The following SMG6 variants were observed in gnomAD, a reference collection of about 807,000 sequenced individuals.
SMG6 encodes the protein SMG6 nonsense mediated mRNA decay factor.
A neutral mutation model predicts 142.2 loss-of-function variants in SMG6; 66 were observed. The ratio of observed to expected loss-of-function variants is 0.46; its 90% confidence interval spans 0.38 to 0.57. SMG6 has a LOEUF of 0.57. Among genes scored for constraint, SMG6 ranks in the 20% least tolerant of loss-of-function variants. SMG6 has a pLI of 0.00. For synonymous variants in SMG6, 779 were observed against 702.4 expected, an observed-to-expected ratio of 1.11 and a Z score of -1.72; for missense variants, 1,793 against 1,832.0, an observed-to-expected ratio of 0.98 and a Z score of 0.39.
intron 17 of SMG6, 84 bp from the exon 18 acceptor site, chr17:2,065,238 G>C: frequency 8.0e-7 from 1 of 1,250,748 alleles, no homozygotes; most frequent in Admixed American, 1.8e-5. Flanking sequence ...TGCCTCGGGG[G>C]CCCTGGGCAG....
chr17:2,123,460 T>C (rs1020399944), intron 13 of SMG6, among the ~76,000 whole-genome samples: 30 of 152,200 alleles, frequency 2.0e-4, no homozygotes, highest in Non-Finnish European at 4.0e-4. Context: ...ACTCCTTTCA[T>C]TGACAATTAA....
At chr17:2,077,102 AC>A (rs1394632817) in intron 15 of SMG6, among the ~76,000 whole-genome samples, 1 of 152,182 alleles carries the variant, frequency 6.6e-6, no homozygotes, top group Non-Finnish European at 1.5e-5. Flanking sequence ...GCTCATTCAC[AC>A]TTCAAATCAC....
In SMG6 at chr17:2,060,970, A is replaced by G. The variant is rs573071108; in HGVS notation, c.*522T>C. The stretch of plus-strand genomic sequence containing the variant: ...CCGACTTGGGTTCATGGGCGAGTCC[A>G]GGCCTCAGGGAGACTGGGGACACAC... On this transcript the variant is annotated 3_prime_UTR_variant, in exon 19 of 19. Transcript: ENST00000263073. 4.5e-5 allele frequency: 7 copies of G among 154,640 alleles called. No homozygotes were observed. Among genetic ancestry groups the G allele is most frequent in the South Asian group, 2.0e-4 (1 of 5,114 alleles). The allele number at this position is 154,640 out of a possible 1,614,324, so 9.6% of individuals were successfully genotyped here.
Position 2,085,781 on chromosome 17 carries a change from G to C in SMG6, c.3478C>G (p.Pro1160Ala). Reference sequence around the variant, plus strand: ...CCCATTTCCTTTCCCATGGTGTCTGGGACGGGTGCCACTGACACATACTTT... The same window carrying C: ...CCCATTTCCTTTCCCATGGTGTCTGCGACGGGTGCCACTGACACATACTTT... ...GGKYVSVAPV[P>A]DTMGKEMGSQ... Residue 1160 changes from proline (P) to alanine (A), a missense_variant, in exon 14 of 19, where the codon CCA becomes GCA. Physicochemically the swap from Pro to Ala is conservative, Grantham distance 27 (BLOSUM62 -1). Coordinates refer to ENST00000263073, the MANE Select transcript of SMG6 (RefSeq NM_017575.5). The surrounding 1 kb of genome is among the most constrained non-coding windows in gnomAD (Gnocchi z 4.1). 1 of 1,614,174 alleles carries C rather than the reference G, an allele frequency of 6.2e-7. No homozygotes were observed. Among genetic ancestry groups the C allele is most frequent in the South Asian group, 1.1e-5 (1 of 91,076 alleles).
At chr17:2,193,943 G>A (rs1053956908) in intron 10 of SMG6, among the ~76,000 whole-genome samples, 8 of 152,130 alleles carry the variant, frequency 5.3e-5, no homozygotes, top group African/African-American at 1.4e-4. Context: ...CGATTCTTCC[G>A]CCTCAGCCTC....
intron 6 of SMG6, among the ~76,000 whole-genome samples, chr17:2,291,880 C>G (rs955853167): frequency 2.1e-5 from 3 of 141,076 alleles, no homozygotes; most frequent in Non-Finnish European, 4.6e-5. Context: ...AAGAGAGAGA[C>G]AATTTTCTCC....
chr17:2,208,414 C>T (rs1376844519), intron 10 of SMG6, among the ~76,000 whole-genome samples: 1 of 152,206 alleles, frequency 6.6e-6, no homozygotes, highest in Non-Finnish European at 1.5e-5. Context: ...TGTCCTCGTA[C>T]AGGATTTACA....
At chr17:2,157,996 G>C (rs1307436429) in intron 13 of SMG6, among the ~76,000 whole-genome samples, 1 of 152,174 alleles carries the variant, frequency 6.6e-6, no homozygotes, top group African/African-American at 2.4e-5. Flanking sequence ...ATAAATGTTT[G>C]AGTAATTCCT....
chr17:2,258,034 A>ATTT (rs1357549109), intron 8 of SMG6, among the ~76,000 whole-genome samples: 1 of 108,240 alleles, frequency 9.2e-6, no homozygotes, highest in Non-Finnish European at 1.9e-5. Flanking sequence ...AAAAAAAAAA[A>ATTT]ATATACACAC....
intron 8 of SMG6, among the ~76,000 whole-genome samples, chr17:2,269,709 G>A (rs1008186980): frequency 7.9e-5 from 12 of 152,078 alleles, no homozygotes; most frequent in African/African-American, 2.4e-4. Context: ...AGAAAATCAC[G>A]AGAGATTTGG....
intron 13 of SMG6, among the ~76,000 whole-genome samples, chr17:2,119,820 C>A (rs1287031478): frequency 6.6e-6 from 1 of 152,166 alleles, no homozygotes; most frequent in Non-Finnish European, 1.5e-5. Flanking sequence ...CGCTGCCATG[C>A]CTGGCTAATT....
At chr17:2,140,831 T>C (rs1160692873) in intron 13 of SMG6, among the ~76,000 whole-genome samples, 1 of 152,210 alleles carries the variant, frequency 6.6e-6, no homozygotes, top group East Asian at 1.9e-4. Context: ...AGCACTGCTT[T>C]TTACAGAAGC....
At chr17:2,255,122 C>T (rs553621696) in intron 8 of SMG6, among the ~76,000 whole-genome samples, 2 of 151,156 alleles carry the variant, frequency 1.3e-5, no homozygotes, top group Admixed American at 6.6e-5. Context: ...ATGTGATCTT[C>T]GGCCGGGCGC....
At chr17:2,107,583 C>T (rs1032657761) in intron 13 of SMG6, among the ~76,000 whole-genome samples, 2 of 152,170 alleles carry the variant, frequency 1.3e-5, no homozygotes, top group East Asian at 3.8e-4. Flanking sequence ...TCTTGAGCCT[C>T]CATAGGAAGG....
At chr17:2,254,517 T>C (rs1279369144) in intron 8 of SMG6, among the ~76,000 whole-genome samples, 12 of 152,104 alleles carry the variant, frequency 7.9e-5, no homozygotes, top group Non-Finnish European at 1.5e-5. Context: ...GTATTTTTAG[T>C]AGAGACGGGG....
intron 10 of SMG6, among the ~76,000 whole-genome samples, chr17:2,219,046 A>C (rs1393046621): frequency 6.6e-6 from 1 of 152,238 alleles, no homozygotes; most frequent in Admixed American, 6.5e-5. Context: ...TTATTCAACA[A>C]ATACATGAAG....
intron 8 of SMG6, among the ~76,000 whole-genome samples, chr17:2,269,748 G>A (rs1803783445): frequency 6.6e-6 from 1 of 152,164 alleles, no homozygotes; most frequent in African/African-American, 2.4e-5. Flanking sequence ...ATTCCAAGCA[G>A]AAACTATGAG....
chr17:2,263,544 G>T (rs533689603), intron 8 of SMG6, among the ~76,000 whole-genome samples: 1 of 152,152 alleles, frequency 6.6e-6, no homozygotes, highest in South Asian at 2.1e-4. Flanking sequence ...AACCACTTAA[G>T]CTCTTAAAAA....
intron 8 of SMG6, among the ~76,000 whole-genome samples, chr17:2,253,235 G>C (rs1447776117): frequency 6.6e-6 from 1 of 151,732 alleles, no homozygotes; most frequent in Non-Finnish European, 1.5e-5. Context: ...TCCGCTTCCC[G>C]GGTTCACGCC....
Sources: gnomAD v4.1 joint callset for allele counts (sites outside exome capture counted in the v4.1 genomes callset) on GRCh38, gnomAD v4.1.1 for gene constraint, Gnocchi (gnomAD v3.1) non-coding constraint, MANE v1.5 for transcripts, NCBI Gene and HGNC (gene_info 2026-07-23, HGNC 2026-07-21) for gene names.